Variants in STAG2 observed in about 807,000 individuals in gnomAD.
STAG2 encodes the protein cohesin subunit SA-2.
In STAG2, 14 loss-of-function variants were observed where a neutral mutation model predicts 108.1. That is an observed-to-expected ratio of 0.13 (90% CI 0.09 to 0.20). The LOEUF is 0.20. Among genes scored for constraint, STAG2 ranks in the 10% least tolerant of loss-of-function variants. The pLI, the probability that STAG2 is intolerant of heterozygous loss-of-function variation, is 1.00. For missense variants in STAG2, 440 were observed against 940.9 expected (o/e 0.47, Z 6.96); for synonymous variants, 307 against 302.7 (o/e 1.01, Z -0.15).
At chrX:124,042,237 CAT>C (rs1309543644) in intron 6 of STAG2, among the ~76,000 whole-genome samples, 1 of 110,903 alleles carries the variant, frequency 9.0e-6, no homozygotes, top group African/African-American at 3.3e-5. Flanking sequence ...CTCTTGATAA[CAT>C]ATGGTTTATG....
At chrX:124,047,986 T>C (rs954233552) in intron 9 of STAG2, among the ~76,000 whole-genome samples, 2 of 112,549 alleles carry the variant, frequency 1.8e-5, no homozygotes, top group Non-Finnish European at 3.8e-5. Flanking sequence ...TTCAGCCTTA[T>C]GCGAAATAAC....
At chrX:124,096,183 T>C (rs868340652) in intron 34 of STAG2, among the ~76,000 whole-genome samples, 42 of 106,006 alleles carry the variant, frequency 4.0e-4, no homozygotes, top group Admixed American at 1.2e-3. Context: ...TTGATTTTTT[T>C]CCCCCCCATT....
At chrX:124,093,968 AAT>A (rs759777577) in intron 32 of STAG2, 48 bp from the exon 33 acceptor site, 2 of 1,190,354 alleles carry the variant, frequency 1.7e-6, no homozygotes, top group East Asian at 3.0e-5. Context: ...CCTAGATATT[AAT>A]AGTCACGACA....
intron 30 of STAG2, among the ~76,000 whole-genome samples, chrX:124,089,498 A>G (rs978476865): frequency 4.5e-5 from 5 of 111,312 alleles, no homozygotes; most frequent in Non-Finnish European, 7.5e-5. Context: ...TCTGCATCCC[A>G]TAGGTTGGGA....
chrX:124,010,204 A>G (rs772287023), intron 1 of STAG2, among the ~76,000 whole-genome samples: 3 of 111,692 alleles, frequency 2.7e-5, no homozygotes, highest in East Asian at 5.6e-4. Context: ...CGTTAAATAT[A>G]TCCAACTGCT....
intron 1 of STAG2, among the ~76,000 whole-genome samples, chrX:124,021,104 C>T (rs1158896889): frequency 8.9e-6 from 1 of 112,395 alleles, no homozygotes; most frequent in Non-Finnish European, 1.9e-5. Flanking sequence ...TGTTATTTTG[C>T]TGTTCACAAA....
At chrX:124,076,262 G>A in intron 25 of STAG2, 70 bp from the exon 26 acceptor site, 1 of 1,008,300 alleles carries the variant, frequency 9.9e-7, no homozygotes, top group Non-Finnish European at 1.4e-6. Flanking sequence ...ATGTTTCATA[G>A]TGAGAATTAA....
intron 1 of STAG2, among the ~76,000 whole-genome samples, chrX:123,990,784 A>G (rs1446623346): frequency 8.9e-6 from 1 of 111,847 alleles, no homozygotes; most frequent in Non-Finnish European, 1.9e-5. Context: ...ACGACATTCC[A>G]AACCACCTGA....
At chrX:124,094,934 A>G (rs772450536) in intron 33 of STAG2, among the ~76,000 whole-genome samples, 1 of 101,420 alleles carries the variant, frequency 9.9e-6, no homozygotes, top group African/African-American at 3.5e-5. Context: ...ATTTTCCATG[A>G]GTTTTTTTTT....
Position 124,102,227 on chromosome X carries a change from C to G in STAG2, c.*1630C>G, listed in dbSNP as rs777619545. The G allele has an allele frequency of 6.3e-6, 1 of 157,903 alleles. No homozygotes were observed. Among genetic ancestry groups the G allele is most frequent in the South Asian group, 3.2e-4 (1 of 3,100 alleles). 13.0% of individuals were successfully genotyped at this position (157,903 alleles called of 1,213,427 possible). A position where few individuals can be genotyped will look rare whatever the true frequency, so the allele number is the denominator to read the frequency against. On this transcript the variant is annotated 3_prime_UTR_variant, in exon 35 of 35. Transcript: ENST00000371145. ...AATATTGTTATGTGCAAAAGTATTG[C>G]CTATGTTGTTTTACACACCACTGCA... is the stretch of plus-strand genomic sequence containing the variant.
chrX:124,018,645 T>A (rs746238297), intron 1 of STAG2, among the ~76,000 whole-genome samples: 6 of 110,181 alleles, frequency 5.4e-5, no homozygotes, highest in Non-Finnish European at 9.5e-5. Context: ...GGTCTATAGG[T>A]GTGTGCCATC....
chrX:124,031,122 G>C lies in STAG2; in HGVS notation c.285G>C (p.Met95Ile). 2 of 1,203,507 alleles carry C rather than the reference G, an allele frequency of 1.7e-6. No individual in the cohort carries two copies. Among genetic ancestry groups the C allele is most frequent in the Non-Finnish European group, 2.2e-6 (2 of 892,025 alleles). Reference protein sequence around the residue: ...FEVVKMGKSAMQSVVDDWIES... With the variant: ...FEVVKMGKSAIQSVVDDWIES... ...TTGTTAAAATGGGCAAGAGTGCTAT[G>C]CAGGTAAGATTTATGTTGTTCTTCC... Residue 95 changes from methionine to isoleucine, a missense_variant, in exon 5 of 35, where the codon ATG becomes ATC. Around this residue, in one of 3 missense-constraint regions of STAG2, gnomAD observed 69 missense variants for 254.9 expected, o/e 0.27. Coordinates refer to ENST00000371145, the MANE Select transcript of STAG2 (RefSeq NM_001042750.2).
chrX:124,095,088 C>T (rs954343046), intron 33 of STAG2, among the ~76,000 whole-genome samples: 23 of 111,085 alleles, frequency 2.1e-4, no homozygotes, highest in African/African-American at 6.2e-4. Context: ...CAACCACGCC[C>T]GGATAATTTT....
intron 30 of STAG2, among the ~76,000 whole-genome samples, chrX:124,088,913 C>CTTTTT (rs374005762): frequency 1.3e-5 from 1 of 78,116 alleles, no homozygotes. Context: ...TGCGCCTGGC[C>CTTTTT]TTTTTTTTTT....
chrX:124,063,578 A>G (rs955105590), intron 19 of STAG2, among the ~76,000 whole-genome samples: 1 of 111,858 alleles, frequency 8.9e-6, no homozygotes, highest in African/African-American at 3.2e-5. Flanking sequence ...CACTTTTGCT[A>G]TGTTCTGTGG....
intron 1 of STAG2, among the ~76,000 whole-genome samples, chrX:123,992,045 G>A (rs909550137): frequency 1.8e-5 from 2 of 112,447 alleles, no homozygotes; most frequent in Non-Finnish European, 3.8e-5. Context: ...ATGGGAGGAT[G>A]TACGTAGGTT....
chrX:124,070,295 G>A (rs2058633184), intron 24 of STAG2, among the ~76,000 whole-genome samples: 1 of 111,992 alleles, frequency 8.9e-6, no homozygotes, highest in African/African-American at 3.2e-5. Context: ...GAAGGAAGGG[G>A]TAAAAACATA....
upstream of STAG2, chrX:123,960,748 G>C (rs1216688795): frequency 9.1e-6 from 1 of 109,335 alleles, no homozygotes; most frequent in African/African-American, 3.3e-5. Flanking sequence ...GTAAAGAAGA[G>C]GAAGGGGAAA....
intron 23 of STAG2, among the ~76,000 whole-genome samples, chrX:124,067,192 ATGT>A (rs2058553683): frequency 9.0e-6 from 1 of 111,279 alleles, no homozygotes; most frequent in Non-Finnish European, 1.9e-5. Context: ...GGCTTTTAAG[ATGT>A]TGTTATATCT....
Sources: gnomAD v4.1 joint callset for allele counts (sites outside exome capture counted in the v4.1 genomes callset) on GRCh38, gnomAD v4.1.1 for gene constraint, gnomAD v4.1.1 regional missense constraint, MANE v1.5 for transcripts, NCBI Gene and HGNC (gene_info 2026-07-23, HGNC 2026-07-21) for gene names.